The following GRM8 variants were observed in gnomAD, a reference collection of about 807,000 sequenced individuals.
The protein encoded by GRM8 is glutamate metabotropic receptor 8.
Under a neutral mutation model 87.2 loss-of-function variants are expected in GRM8, and 47 were observed. That is an observed-to-expected ratio of 0.54 (90% CI 0.43 to 0.69). The LOEUF is 0.69. GRM8 is among the 30% of genes least tolerant of loss of function. The pLI is 0.00. For missense variants in GRM8, 1,019 were observed against 1,139.2 expected, an observed-to-expected ratio of 0.89 and a Z score of 1.52; for synonymous variants, 396 against 404.5, an observed-to-expected ratio of 0.98 and a Z score of 0.25.
intron 9 of GRM8, among the ~76,000 whole-genome samples, chr7:126,477,531 C>T (rs1485671699): frequency 7.4e-6 from 1 of 135,030 alleles, no homozygotes; most frequent in Non-Finnish European, 1.6e-5. Flanking sequence ...AATTATGTCT[C>T]AATAAAGAGA....
chr7:126,604,659 G>C (rs532976724), intron 8 of GRM8, among the ~76,000 whole-genome samples: 1 of 152,208 alleles, frequency 6.6e-6, no homozygotes, highest in Admixed American at 6.5e-5. Flanking sequence ...GCTCATGAAT[G>C]AAAGGTCAGA....
chr7:127,081,791 T>C (rs911032609), intron 3 of GRM8, among the ~76,000 whole-genome samples: 3 of 152,160 alleles, frequency 2.0e-5, no homozygotes, highest in African/African-American at 7.2e-5. Flanking sequence ...GAACAGTTTC[T>C]TTAGAAATAT....
rs571217896 is a variant in GRM8 at position 127,010,032 on chromosome 7, A to T, written c.727+96464T>A. 1.1e-4 allele frequency among the ~76,000 whole-genome samples: 17 copies of T among 151,928 alleles called. No homozygotes were observed. The East Asian group carries it at 2.9e-3, about 26-fold the overall frequency. ...TAATTTTTGTATTTTTAGTAGTGTC[A>T]GGGTTTCACCATGTTGGCCAGGCTG... On this transcript the variant is annotated intron_variant, in intron 3 of 10. Coordinates refer to ENST00000339582, the MANE Select transcript of GRM8 (RefSeq NM_000845.3).
chr7:126,999,016 G>A (rs772609215), intron 3 of GRM8, among the ~76,000 whole-genome samples: 1 of 151,618 alleles, frequency 6.6e-6, no homozygotes, highest in Non-Finnish European at 1.5e-5. Flanking sequence ...TATACTACAG[G>A]GCAATAACAA....
intron 3 of GRM8, among the ~76,000 whole-genome samples, chr7:127,055,078 GATTAT>G (rs369555699): frequency 9.3e-4 from 141 of 152,196 alleles, no homozygotes; most frequent in African/African-American, 3.3e-3. Flanking sequence ...AGAGAGGTGA[GATTAT>G]AGGCCTGCTC....
At chr7:126,610,642 C>A (rs1018116894) in intron 7 of GRM8, among the ~76,000 whole-genome samples, 1 of 152,038 alleles carries the variant, frequency 6.6e-6, no homozygotes, top group Admixed American at 6.6e-5. Flanking sequence ...ACCTAATTAC[C>A]AGCCATCACA....
chr7:126,996,533 A>G (rs952505038), intron 3 of GRM8, among the ~76,000 whole-genome samples: 1 of 152,068 alleles, frequency 6.6e-6, no homozygotes, highest in Non-Finnish European at 1.5e-5. Flanking sequence ...AAAAGACCCA[A>G]TGATCTGCTG....
At chr7:127,058,389 A>C (rs1232922611) in intron 3 of GRM8, among the ~76,000 whole-genome samples, 1 of 152,236 alleles carries the variant, frequency 6.6e-6, no homozygotes, top group Non-Finnish European at 1.5e-5. Flanking sequence ...TGGAGGAAAT[A>C]GTTTTCACGG....
intron 7 of GRM8, among the ~76,000 whole-genome samples, chr7:126,624,619 T>C (rs1010383608): frequency 3.9e-5 from 6 of 152,226 alleles, no homozygotes; most frequent in Non-Finnish European, 8.8e-5. Flanking sequence ...ACCATATATA[T>C]AGCTCAGACT....
At chr7:126,624,510 C>A (rs1311619602) in intron 7 of GRM8, among the ~76,000 whole-genome samples, 2 of 152,166 alleles carry the variant, frequency 1.3e-5, no homozygotes, top group Non-Finnish European at 2.9e-5. Context: ...CTTCATAGTA[C>A]TTTTAAATAT....
chr7:126,529,516 A>G (rs1490524007), intron 9 of GRM8, among the ~76,000 whole-genome samples: 1 of 152,234 alleles, frequency 6.6e-6, no homozygotes, highest in African/African-American at 2.4e-5. Context: ...TCCTGAGGCC[A>G]CTGGAAGAAA....
At chr7:126,488,604 A>G (rs2150628391) in intron 9 of GRM8, among the ~76,000 whole-genome samples, 2 of 152,122 alleles carry the variant, frequency 1.3e-5, no homozygotes, top group Middle Eastern at 6.8e-3. Flanking sequence ...TACAATATAT[A>G]AATCATTCAA....
At chr7:127,058,949 T>G (rs1349262136) in intron 3 of GRM8, among the ~76,000 whole-genome samples, 2 of 152,222 alleles carry the variant, frequency 1.3e-5, no homozygotes, top group African/African-American at 4.8e-5. Context: ...ATTTGCTGTG[T>G]GCCAGACACT....
At chr7:127,015,061 GAAGAAGAAAGA>G (rs1563413453) in intron 3 of GRM8, among the ~76,000 whole-genome samples, 106 of 98,454 alleles carry the variant, frequency 1.1e-3, no homozygotes, top group Middle Eastern at 5.5e-3. Context: ...AGAAGAAGAA[GAAGAAGAAAGA>G]AAGAAGGAGA....
At chr7:126,824,555 G>T (rs1207308443) in intron 6 of GRM8, among the ~76,000 whole-genome samples, 1 of 152,100 alleles carries the variant, frequency 6.6e-6, no homozygotes, top group Non-Finnish European at 1.5e-5. Flanking sequence ...CACAGTGTTG[G>T]TATACTTATG....
chr7:126,991,985 GA>G (rs1171044556), intron 3 of GRM8, among the ~76,000 whole-genome samples: 1 of 151,900 alleles, frequency 6.6e-6, no homozygotes, highest in Non-Finnish European at 1.5e-5. Context: ...TATGGAATCT[GA>G]AAAAAATATG....
intron 3 of GRM8, among the ~76,000 whole-genome samples, chr7:126,940,793 A>T (rs1806839304): frequency 6.6e-6 from 1 of 151,964 alleles, no homozygotes; most frequent in Non-Finnish European, 1.5e-5. Flanking sequence ...TCCTTTGAGG[A>T]TGCTTTTGGA....
At chr7:126,578,344 G>T (rs149881678) in intron 8 of GRM8, among the ~76,000 whole-genome samples, 1 of 152,274 alleles carries the variant, frequency 6.6e-6, no homozygotes, top group African/African-American at 2.4e-5. Flanking sequence ...GCATCCTAAA[G>T]ATCGAATGGA....
intron 6 of GRM8, among the ~76,000 whole-genome samples, chr7:126,897,041 A>G (rs570726555): frequency 5.9e-5 from 9 of 152,318 alleles, no homozygotes; most frequent in African/African-American, 2.2e-4. Context: ...GAATGGATGG[A>G]TGAATGAAAC....
Sources: gnomAD v4.1 joint callset for allele counts (sites outside exome capture counted in the v4.1 genomes callset) on GRCh38, gnomAD v4.1.1 for gene constraint, MANE v1.5 for transcripts, NCBI Gene and HGNC (gene_info 2026-07-23, HGNC 2026-07-21) for gene names.